The following CCDC150 variants were observed in gnomAD, a reference collection of about 807,000 sequenced individuals.
CCDC150 encodes coiled-coil domain-containing protein 150.
Under a neutral mutation model 156.5 loss-of-function variants are expected in CCDC150, and 151 were observed. The observed-to-expected ratio is 0.97, with a 90% confidence interval of 0.85 to 1.10. CCDC150 has a LOEUF of 1.10. Among genes scored for constraint, CCDC150 ranks in the 50% least tolerant of loss-of-function variants. The pLI is 0.00. For missense variants in CCDC150, 1,312 were observed against 1,268.1 expected, an observed-to-expected ratio of 1.03 and a Z score of -0.53; for synonymous variants, 452 against 429.4, an observed-to-expected ratio of 1.05 and a Z score of -0.65.
chr2:196,702,284 G>T, intron 15 of CCDC150, among the ~76,000 whole-genome samples: 1 of 151,572 alleles, frequency 6.6e-6, no homozygotes, highest in Non-Finnish European at 1.5e-5. Context: ...CCCATGACTA[G>T]AAAGGCATTC....
At chr2:196,674,602 C>T (rs1694388077) in intron 10 of CCDC150, among the ~76,000 whole-genome samples, 2 of 152,138 alleles carry the variant, frequency 1.3e-5, no homozygotes, top group Admixed American at 1.3e-4. Flanking sequence ...TTTATAGAAT[C>T]ATGGAGAACA....
chr2:196,707,907 A>G (rs1285129134), intron 15 of CCDC150, among the ~76,000 whole-genome samples: 1 of 152,124 alleles, frequency 6.6e-6, no homozygotes, highest in African/African-American at 2.4e-5. Context: ...ACATTTGCTG[A>G]GGAGTGCTTT....
chr2:196,639,901 C>T, intron 1 of CCDC150, 123 bp downstream of exon 1: 2 of 850,366 alleles, frequency 2.4e-6, no homozygotes, highest in African/African-American at 1.7e-5. Flanking sequence ...CAGTCTCACT[C>T]CCTGGACCTC....
chr2:196,703,642 C>CT (rs1696391613), intron 15 of CCDC150, among the ~76,000 whole-genome samples: 1 of 151,976 alleles, frequency 6.6e-6, no homozygotes, highest in Non-Finnish European at 1.5e-5. Context: ...TGACTTTAAC[C>CT]TTTTTTTAGT....
At chr2:196,670,707 G>A (rs1694151761) in intron 8 of CCDC150, among the ~76,000 whole-genome samples, 2 of 152,048 alleles carry the variant, frequency 1.3e-5, no homozygotes, top group African/African-American at 4.8e-5. Flanking sequence ...GAAAAAATGT[G>A]TATGTATAAT....
chr2:196,709,849 G>A (rs1438785685), intron 15 of CCDC150, among the ~76,000 whole-genome samples: 3 of 152,234 alleles, frequency 2.0e-5, no homozygotes, highest in East Asian at 1.9e-4. Flanking sequence ...CTGCAGAACA[G>A]CAAATATGGC....
intron 2 of CCDC150, among the ~76,000 whole-genome samples, chr2:196,647,882 T>C (rs779159737): frequency 6.6e-6 from 1 of 152,196 alleles, no homozygotes; most frequent in Non-Finnish European, 1.5e-5. Flanking sequence ...CTTTGTACTC[T>C]GACGAACAAT....
intron 13 of CCDC150, among the ~76,000 whole-genome samples, chr2:196,694,451 C>T (rs1050921170): frequency 6.6e-6 from 1 of 151,990 alleles, no homozygotes; most frequent in African/African-American, 2.4e-5. Flanking sequence ...ATATAATTTA[C>T]GATATCCCTT....
Position 196,731,938 on chromosome 2 carries a change from T to G in CCDC150, c.3070-95T>G, listed in dbSNP as rs1336731622. On this transcript the variant is annotated intron_variant, in intron 26 of 27. Transcript: ENST00000389175. ...AGAACAAGCAGTCAGAATTTGGGTC[T>G]TTTAATTTCTAAGTAAAAAATCTCT... 3.2e-6 allele frequency: 4 copies of G among 1,246,396 alleles called. No homozygotes were observed. The African/African-American group carries it at 6.1e-5, about 19-fold the overall frequency. 77.2% of individuals were successfully genotyped at this position (1,246,396 alleles called of 1,614,324 possible). A position where few individuals can be genotyped will look rare whatever the true frequency, so the allele number is the denominator to read the frequency against.
At chr2:196,641,243 C>T (rs1692214233) in intron 1 of CCDC150, among the ~76,000 whole-genome samples, 2 of 152,110 alleles carry the variant, frequency 1.3e-5, no homozygotes, top group South Asian at 4.1e-4. Context: ...TTCCAAAGTG[C>T]TGGGATTACA....
At chr2:196,653,079 G>A (rs1199362608) in intron 2 of CCDC150, among the ~76,000 whole-genome samples, 1 of 152,188 alleles carries the variant, frequency 6.6e-6, no homozygotes, top group Non-Finnish European at 1.5e-5. Context: ...GATAAGAGGG[G>A]CTGCTTCAAA....
chr2:196,681,335 G>GCA (rs1214973916), intron 13 of CCDC150, among the ~76,000 whole-genome samples: 2 of 151,896 alleles, frequency 1.3e-5, no homozygotes, highest in African/African-American at 2.4e-5. Flanking sequence ...GTATGTGCAC[G>GCA]CACACACACA....
At position 196,732,641 on chromosome 2, in the gene CCDC150, T is replaced by C; in HGVS notation, c.*79T>C. On this transcript the variant is annotated 3_prime_UTR_variant, in exon 28 of 28. Transcript: ENST00000389175. ...GCCCAGCAGCCGGGGCTGGCCTGTTTCTAGAGTCATAAGAACATGAAGTCT... is the reference window on the plus strand; with the variant it reads ...GCCCAGCAGCCGGGGCTGGCCTGTTCCTAGAGTCATAAGAACATGAAGTCT... The C allele has an allele frequency of 1.1e-6, 1 of 926,890 alleles. No homozygotes were observed. The highest frequency in any genetic ancestry group is 1.7e-6 in the Non-Finnish European group (1 of 571,610). 57.4% of individuals were successfully genotyped at this position (926,890 alleles called of 1,614,324 possible).
intron 17 of CCDC150, chr2:196,713,361 C>T (rs918913107): frequency 4.8e-6 from 7 of 1,467,282 alleles, no homozygotes; most frequent in African/African-American, 4.3e-5. Context: ...TTGACGATGC[C>T]TCTAAGAAAA....
chr2:196,673,999 A>G (rs1332840908), intron 9 of CCDC150, among the ~76,000 whole-genome samples: 2 of 152,144 alleles, frequency 1.3e-5, no homozygotes, highest in Non-Finnish European at 2.9e-5. Flanking sequence ...GATCAGTAAA[A>G]TGCCATATGC....
intron 9 of CCDC150, among the ~76,000 whole-genome samples, chr2:196,673,736 A>G (rs1025883468): frequency 6.6e-6 from 1 of 152,128 alleles, no homozygotes; most frequent in Non-Finnish European, 1.5e-5. Flanking sequence ...TACATATATG[A>G]TATATCTGTG....
chr2:196,671,222 A>G (rs1228884029), intron 8 of CCDC150, among the ~76,000 whole-genome samples: 30 of 151,890 alleles, frequency 2.0e-4, no homozygotes, highest in Admixed American at 1.8e-3. Flanking sequence ...TGCTTTGCCT[A>G]TTCATCCCTC....
intron 14 of CCDC150, among the ~76,000 whole-genome samples, chr2:196,700,096 T>A (rs1696109629): frequency 6.6e-6 from 1 of 152,230 alleles, no homozygotes; most frequent in Non-Finnish European, 1.5e-5. Context: ...TTCTTTGGCT[T>A]AAAATGCCTA....
intron 1 of CCDC150, among the ~76,000 whole-genome samples, chr2:196,643,204 CATCA>C (rs1345466205): frequency 2.0e-5 from 3 of 152,216 alleles, no homozygotes; most frequent in African/African-American, 4.8e-5. Context: ...CCCTGCCAAC[CATCA>C]ATCAGTGTCC....
Sources: allele counts gnomAD v4.1 joint callset (sites outside exome capture counted in the v4.1 genomes callset), GRCh38; gene constraint gnomAD v4.1.1; transcripts MANE v1.5; gene names NCBI Gene and HGNC (gene_info 2026-07-23, HGNC 2026-07-21).